BOP1: variants seen among roughly 807,000 people sequenced by gnomAD.
BOP1 encodes ribosome biogenesis protein BOP1.
BOP1 carries 54 observed loss-of-function variants against 82.9 expected under a neutral mutation model. The ratio of observed to expected loss-of-function variants is 0.65; its 90% CI spans 0.52 to 0.82. The LOEUF (loss-of-function observed/expected upper bound fraction) is 0.82. Among genes scored for constraint, BOP1 ranks in the 40% least tolerant of loss-of-function variants. The pLI is 0.00. For synonymous variants in BOP1, 566 were observed against 451.1 expected, an observed-to-expected ratio of 1.25 and a Z score of -3.23; for missense variants, 1,170 against 1,072.0, an observed-to-expected ratio of 1.09 and a Z score of -1.28.
rs1588587856 is a variant in BOP1 at position 144,263,675 on chromosome 8, C to A, written c.1291+17G>T. On this transcript the variant is annotated intron_variant, in intron 10 of 15. Transcript: ENST00000569669. ...CACCTGCCCCCCAGCTCAAGGCTGC[C>A]CCCAGCTCGGACCCACCTGAAACCA... 6.9e-6 allele frequency: 11 copies of A among 1,585,472 alleles called. No homozygotes were observed. In the East Asian group the frequency reaches 2.5e-4, roughly 37 times the overall value.
In BOP1 at chr8:144,263,969, AC is replaced by A; in HGVS notation, c.1140+11del. On this transcript the variant is annotated intron_variant, in intron 8 of 15. Coordinates refer to ENST00000569669, the MANE Select transcript of BOP1 (RefSeq NM_015201.5). The stretch of plus-strand genomic sequence containing the variant: ...CCCTGTGCCACCCCCCTGGTGTGCC[AC>A]CCCCACACACCCTCATCTTGCGCTG... The A allele has an allele frequency of 6.2e-7, 1 of 1,609,474 alleles. No homozygotes were observed. The highest frequency in any genetic ancestry group is 1.1e-5 in the South Asian group (1 of 90,960).
chr8:144,289,655 G>A (rs1393430071), intron 1 of BOP1, among the ~76,000 whole-genome samples: 3 of 152,198 alleles, frequency 2.0e-5, no homozygotes, highest in Non-Finnish European at 4.4e-5. Context: ...CGGAGGCCCT[G>A]TGGGGTCAGG....
Position 144,262,063 on chromosome 8 carries a change from G to C in BOP1, c.*101C>G, listed in dbSNP as rs1260618604. The C allele has an allele frequency of 7.1e-6, 11 of 1,559,290 alleles. No individual in the cohort carries two copies. In the Admixed American group the frequency reaches 1.2e-4, roughly 17 times the overall value. ...TCGGCGCTGTGGTGGGGGCGGCTTT[G>C]TTGGCAACCCCAATTCAAGAAGGTG... On this transcript the variant is annotated 3_prime_UTR_variant, in exon 16 of 16. Coordinates refer to ENST00000569669, the MANE Select transcript of BOP1 (RefSeq NM_015201.5).
chr8:144,264,186 C>T (rs1238781098), intron 7 of BOP1, 39 bp downstream of exon 7: 3 of 1,608,966 alleles, frequency 1.9e-6, no homozygotes, highest in East Asian at 4.5e-5. Flanking sequence ...CACAGGGAAG[C>T]ATGGGGACAG....
intron 3 of BOP1, among the ~76,000 whole-genome samples, chr8:144,272,039 G>A (rs975658354): frequency 1.8e-4 from 27 of 152,218 alleles, no homozygotes; most frequent in Non-Finnish European, 3.1e-4. Context: ...TCTCTGCTGG[G>A]GCTGACCCAG....
At chr8:144,267,027 C>T (rs1845386882) in intron 3 of BOP1, 1 of 1,518,788 alleles carries the variant, frequency 6.6e-7, no homozygotes, top group Non-Finnish European at 8.8e-7. Flanking sequence ...AGGCCTGCGG[C>T]GACGGACAGC....
intron 3 of BOP1, chr8:144,268,390 C>T (rs1350966346): frequency 4.6e-5 from 27 of 588,700 alleles, no homozygotes; most frequent in African/African-American, 1.9e-4. Context: ...GCTTTTCTTC[C>T]GGCCACTGTG....
chr8:144,269,438 G>A (rs905859008), intron 3 of BOP1, among the ~76,000 whole-genome samples: 6 of 152,232 alleles, frequency 3.9e-5, no homozygotes, highest in African/African-American at 9.6e-5. Context: ...CGTGGGCATC[G>A]GTGCAGGGCT....
chr8:144,283,936 G>A (rs1814788018), intron 2 of BOP1, among the ~76,000 whole-genome samples: 2 of 152,172 alleles, frequency 1.3e-5, no homozygotes, highest in Non-Finnish European at 2.9e-5. Flanking sequence ...CAGCCAACAT[G>A]GTGAAACCCG....
At chr8:144,272,891 C>T (rs1486547471) in intron 3 of BOP1, among the ~76,000 whole-genome samples, 1 of 152,222 alleles carries the variant, frequency 6.6e-6, no homozygotes, top group African/African-American at 2.4e-5. Context: ...TACACACACC[C>T]ACCCACAGCC....
In BOP1 at chr8:144,291,085, C is replaced by G. The variant is rs1158676362; in HGVS notation, c.99+187G>C. ...CCCCCGTTTCTTTGCTTCCCGGACGCCGTCCTTTACCCCGCAGTCCGCTCT... is the reference window on the plus strand; with the variant it reads ...CCCCCGTTTCTTTGCTTCCCGGACGGCGTCCTTTACCCCGCAGTCCGCTCT... On this transcript the variant is annotated intron_variant, in intron 1 of 15. Transcript: ENST00000569669. The surrounding 1 kb of genome is among the most constrained non-coding windows in gnomAD (Gnocchi z 4.1). Among the ~76,000 whole-genome samples, 1 of 151,808 alleles carries G rather than the reference C, an allele frequency of 6.6e-6. No homozygotes were observed. The highest frequency in any genetic ancestry group is 1.5e-5 in the Non-Finnish European group (1 of 67,898).
intron 3 of BOP1, among the ~76,000 whole-genome samples, chr8:144,268,935 G>A (rs1258548265): frequency 7.3e-6 from 1 of 136,794 alleles, no homozygotes; most frequent in Non-Finnish European, 1.7e-5. Context: ...GAGCTGTGCT[G>A]CCCAGCGGAG....
intron 3 of BOP1, 132 bp from the exon 4 acceptor site, chr8:144,265,203 C>T: frequency 1.9e-6 from 2 of 1,034,950 alleles, no homozygotes; most frequent in Admixed American, 2.3e-5. Context: ...AGGTCACTGG[C>T]CCTGACCTAC....
chr8:144,263,703 C>T lies in BOP1; in HGVS notation c.1280G>A (p.Trp427Ter). 1 of 1,573,918 alleles carries T rather than the reference C, an allele frequency of 6.4e-7. No individual in the cohort carries two copies. Among genetic ancestry groups the T allele is most frequent in the Non-Finnish European group, 8.6e-7 (1 of 1,160,904 alleles). The change falls in exon 10 of 16, where the codon TGG becomes TAG. Residue 427 changes from tryptophan (W) to a stop codon, truncating the protein, a stop_gained. Coordinates refer to ENST00000569669, the MANE Select transcript of BOP1 (RefSeq NM_015201.5). LOFTEE classifies it high-confidence loss of function. ...RCLSVSPGGQ[W>*]LVSGSDDGSL... ...CAGCTCGGACCCACCTGAAACCAGC[C>T]ACTGGCCCCCAGGAGAGACACTGAG... is the stretch of plus-strand genomic sequence containing the variant.
chr8:144,264,152 C>G lies in BOP1; in HGVS notation c.979-10G>C. On this transcript the variant is annotated splice_polypyrimidine_tract_variant and intron_variant, in intron 7 of 15. Transcript: ENST00000569669. ...GTTCCCACGCCAAGCGCTGTGGAGA[C>G]CAAGACACAGGGGTGGGGAGGGTCA... is the stretch of plus-strand genomic sequence containing the variant. 1 of 1,610,758 alleles carries G rather than the reference C, an allele frequency of 6.2e-7. No individual in the cohort carries two copies. Among genetic ancestry groups the G allele is most frequent in the Non-Finnish European group, 8.5e-7 (1 of 1,179,346 alleles).
At position 144,262,925 on chromosome 8, in the gene BOP1, G is replaced by C. The variant is rs1845258401; in HGVS notation, c.1822C>G (p.Leu608Val). Residue 608 changes from leucine (L) to valine (V), a missense_variant, in exon 13 of 16, where the codon CTG (leucine) becomes GTG (valine). Physicochemically the swap from Leu to Val is conservative, Grantham distance 32. Transcript: ENST00000569669. ...AGCTTCTTGGTGAGCTCCTGGCGCA[G>C]CAGGTGGTAGAGGCGGACGCTGCGC... ...SQRSVRLYHL[L>V]RQELTKKLMP... 1.3e-6 allele frequency: 2 copies of C among 1,550,142 alleles called. No homozygotes were observed. Among genetic ancestry groups the C allele is most frequent in the Non-Finnish European group, 1.7e-6 (2 of 1,154,392 alleles).
At chr8:144,268,158 A>G in intron 3 of BOP1, 1 of 1,550,500 alleles carries the variant, frequency 6.4e-7, no homozygotes, top group Non-Finnish European at 8.7e-7. Context: ...GGCCGGCAGC[A>G]GCCAGGAGGC....
chr8:144,283,594 T>G (rs1187423186), intron 2 of BOP1, among the ~76,000 whole-genome samples: 1 of 152,224 alleles, frequency 6.6e-6, no homozygotes, highest in Non-Finnish European at 1.5e-5. Context: ...ATTACAGGTG[T>G]GAGCCACTGG....
At chr8:144,287,022 G>A (rs1814898349) in intron 2 of BOP1, among the ~76,000 whole-genome samples, 1 of 152,214 alleles carries the variant, frequency 6.6e-6, no homozygotes, top group African/African-American at 2.4e-5. Flanking sequence ...CATTGTTTTG[G>A]TTTTTGAGGC....
Sources: allele counts gnomAD v4.1 joint callset (sites outside exome capture counted in the v4.1 genomes callset), GRCh38; gene constraint gnomAD v4.1.1; non-coding constraint Gnocchi (gnomAD v3.1); transcripts MANE v1.5; gene names NCBI Gene and HGNC (gene_info 2026-07-23, HGNC 2026-07-21).